The following AMBRA1 variants were observed in gnomAD, a reference collection of about 807,000 sequenced individuals.
AMBRA1 encodes activating molecule in BECN1-regulated autophagy protein 1.
In AMBRA1, 47 loss-of-function variants were observed where a neutral mutation model predicts 125.4. That is an observed-to-expected ratio of 0.37 (90% CI 0.30 to 0.48). The LOEUF is 0.48. Among genes scored for constraint, AMBRA1 ranks in the 20% least tolerant of loss-of-function variants. The pLI, the probability that AMBRA1 is intolerant of heterozygous loss-of-function variation, is 0.99. For synonymous variants in AMBRA1, 626 were observed against 655.5 expected, an observed-to-expected ratio of 0.95 and a Z score of 0.69; for missense variants, 1,331 against 1,693.4, an observed-to-expected ratio of 0.79 and a Z score of 3.76.
chr11:46,451,007 A>T (rs531412095), intron 11 of AMBRA1, among the ~76,000 whole-genome samples: 1 of 152,296 alleles, frequency 6.6e-6, no homozygotes, highest in South Asian at 2.1e-4. Context: ...TCAACTTTTA[A>T]TAAACCTAAA....
At chr11:46,593,446 A>T (rs1043102660) in intron 1 of AMBRA1, among the ~76,000 whole-genome samples, 1 of 152,128 alleles carries the variant, frequency 6.6e-6, no homozygotes, top group Admixed American at 6.6e-5. Flanking sequence ...GGCTGGACTC[A>T]GTAGGGGTCC....
intron 1 of AMBRA1, among the ~76,000 whole-genome samples, chr11:46,556,481 T>A (rs2043159506): frequency 6.6e-6 from 1 of 152,226 alleles, no homozygotes; most frequent in South Asian, 2.1e-4. Flanking sequence ...GCAAAAGATA[T>A]CCAAGGATAT....
chr11:46,480,814 G>A (rs1950033325), intron 11 of AMBRA1, among the ~76,000 whole-genome samples: 1 of 152,184 alleles, frequency 6.6e-6, no homozygotes, highest in Non-Finnish European at 1.5e-5. Flanking sequence ...TTTTGACAGA[G>A]CTAAAGCTGC....
intron 1 of AMBRA1, among the ~76,000 whole-genome samples, chr11:46,587,632 G>A (rs2044450338): frequency 1.3e-5 from 2 of 152,274 alleles, no homozygotes; most frequent in South Asian, 4.1e-4. Context: ...TCTAATCCCT[G>A]TAAATACCCA....
intron 1 of AMBRA1, among the ~76,000 whole-genome samples, chr11:46,575,995 AAAG>A (rs1186109262): frequency 1.3e-5 from 2 of 152,200 alleles, no homozygotes; most frequent in Non-Finnish European, 2.9e-5. Context: ...TTTTTATAGG[AAAG>A]AGATTGCCGG....
intron 17 of AMBRA1, among the ~76,000 whole-genome samples, chr11:46,405,081 T>C (rs1945943512): frequency 6.6e-6 from 1 of 152,222 alleles, no homozygotes. Flanking sequence ...TTAGTGGTCC[T>C]TTATGCAGTA....
chr11:46,508,380 A>G lies in AMBRA1; in HGVS notation c.2160-10T>C. The stretch of plus-strand genomic sequence containing the variant: ...TGCAGCAGGAGATAATCTGAGAGAG[A>G]CAGAGATGGACAAACACAAACTAGC... On this transcript the variant is annotated splice_polypyrimidine_tract_variant and intron_variant, in intron 8 of 17. Coordinates refer to ENST00000683756, the MANE Select transcript of AMBRA1 (RefSeq NM_001387011.1). 6.2e-7 allele frequency: 1 copy of G among 1,611,858 alleles called. No individual in the cohort carries two copies. The highest frequency in any genetic ancestry group is 1.1e-5 in the South Asian group (1 of 90,950).
intron 11 of AMBRA1, among the ~76,000 whole-genome samples, chr11:46,445,336 C>T (rs1365561799): frequency 6.6e-6 from 1 of 152,154 alleles, no homozygotes; most frequent in Non-Finnish European, 1.5e-5. Flanking sequence ...CAGTCATGCT[C>T]TCCCTGAGAC....
At chr11:46,588,921 C>G (rs976223479) in intron 1 of AMBRA1, among the ~76,000 whole-genome samples, 3 of 152,034 alleles carry the variant, frequency 2.0e-5, no homozygotes, top group African/African-American at 7.2e-5. Flanking sequence ...TTTACTGTCA[C>G]TGGGCTTCAA....
chr11:46,551,175 G>A (rs937708249), intron 1 of AMBRA1, among the ~76,000 whole-genome samples: 3 of 151,316 alleles, frequency 2.0e-5, no homozygotes, highest in Admixed American at 6.6e-5. Context: ...ACAATATATC[G>A]AGTAAAGCTA....
intron 9 of AMBRA1, among the ~76,000 whole-genome samples, chr11:46,501,992 C>T (rs1950857873): frequency 6.6e-6 from 1 of 152,154 alleles, no homozygotes; most frequent in Non-Finnish European, 1.5e-5. Context: ...CAGCTCTTTT[C>T]TAAGCCATTT....
chr11:46,468,421 T>C (rs1013617570), intron 11 of AMBRA1, among the ~76,000 whole-genome samples: 5 of 151,730 alleles, frequency 3.3e-5, no homozygotes, highest in Admixed American at 2.0e-4. Context: ...GCATTACCCT[T>C]GGCTCAATGT....
intron 1 of AMBRA1, among the ~76,000 whole-genome samples, chr11:46,577,299 A>T (rs2043991302): frequency 6.6e-6 from 1 of 152,228 alleles, no homozygotes; most frequent in South Asian, 2.1e-4. Flanking sequence ...AGTACTGATA[A>T]ATATTCCAAT....
At chr11:46,459,731 A>AACACAC (rs1949013723) in intron 11 of AMBRA1, among the ~76,000 whole-genome samples, 1 of 139,682 alleles carries the variant, frequency 7.2e-6, no homozygotes, top group Admixed American at 6.9e-5. Flanking sequence ...AGAAAAAAAA[A>AACACAC]ATACACATAC....
At chr11:46,418,318 TTATA>T (rs10546476) in intron 14 of AMBRA1, among the ~76,000 whole-genome samples, 1 of 3,346 alleles carries the variant, frequency 3.0e-4, no homozygotes, top group African/African-American at 1.1e-3. Context: ...ATTTTATTAT[TTATA>T]TATAAATATG....
chr11:46,464,829 G>A (rs573277645), intron 11 of AMBRA1, among the ~76,000 whole-genome samples: 32 of 151,530 alleles, frequency 2.1e-4, no homozygotes, highest in Admixed American at 1.5e-3. Flanking sequence ...GTCGGATCAC[G>A]AGGTCAAGAG....
At chr11:46,464,022 G>A (rs1481307502) in intron 11 of AMBRA1, among the ~76,000 whole-genome samples, 1 of 152,238 alleles carries the variant, frequency 6.6e-6, no homozygotes, top group African/African-American at 2.4e-5. Flanking sequence ...GAAATGCCTA[G>A]TAGTCAGAGA....
chr11:46,570,514 C>T (rs1024060267), intron 1 of AMBRA1, among the ~76,000 whole-genome samples: 4 of 152,002 alleles, frequency 2.6e-5, no homozygotes, highest in African/African-American at 4.8e-5. Context: ...ATTTGTAATA[C>T]GAGGTATGAC....
At chr11:46,570,548 T>C (rs1230996119) in intron 1 of AMBRA1, among the ~76,000 whole-genome samples, 1 of 152,136 alleles carries the variant, frequency 6.6e-6, no homozygotes, top group Non-Finnish European at 1.5e-5. Context: ...CAATGCCTTA[T>C]ATACCCCATC....
Sources: allele counts gnomAD v4.1 joint callset (sites outside exome capture counted in the v4.1 genomes callset), GRCh38; gene constraint gnomAD v4.1.1; transcripts MANE v1.5; gene names NCBI Gene and HGNC (gene_info 2026-07-23, HGNC 2026-07-21).